Variants in FHL2 observed in about 807,000 individuals in gnomAD.
FHL2 encodes the protein four and a half LIM domains protein 2.
A neutral mutation model predicts 32.7 loss-of-function variants in FHL2; 20 were observed. The ratio of observed to expected loss-of-function variants is 0.61; its 90% confidence interval spans 0.43 to 0.89. FHL2 has a LOEUF of 0.89. FHL2 is among the 40% of genes least tolerant of loss of function. The probability of loss-of-function intolerance (pLI) is 0.00; values close to 1 mark genes in which losing one functional copy is unlikely to be tolerated. For synonymous variants in FHL2, 123 were observed against 128.1 expected, an observed-to-expected ratio of 0.96 and a Z score of 0.27; for missense variants, 311 against 358.6, an observed-to-expected ratio of 0.87 and a Z score of 1.07.
At chr2:105,432,172 CT>C (rs1253363742) in intron 1 of FHL2, among the ~76,000 whole-genome samples, 1 of 152,164 alleles carries the variant, frequency 6.6e-6, no homozygotes, top group Non-Finnish European at 1.5e-5. Flanking sequence ...GTGCTTATTT[CT>C]CCCCTCACTT....
chr2:105,425,519 C>T (rs1015474509), intron 1 of FHL2, among the ~76,000 whole-genome samples: 5 of 151,392 alleles, frequency 3.3e-5, no homozygotes, highest in South Asian at 2.1e-4. Context: ...AGGAAAGCCT[C>T]TTGCAGTTGA....
intron 4 of FHL2, among the ~76,000 whole-genome samples, chr2:105,370,577 G>T (rs1165744812): frequency 1.3e-5 from 2 of 152,128 alleles, no homozygotes; most frequent in African/African-American, 2.4e-5. Context: ...GACTTGTGTG[G>T]GGGGTGTGGA....
At chr2:105,433,547 T>C (rs1684502265) in intron 1 of FHL2, among the ~76,000 whole-genome samples, 1 of 152,208 alleles carries the variant, frequency 6.6e-6, no homozygotes, top group Non-Finnish European at 1.5e-5. Context: ...GGGATTAGTG[T>C]GAAACTGGCA....
chr2:105,419,690 C>T (rs1020198189), intron 1 of FHL2, among the ~76,000 whole-genome samples: 1 of 152,134 alleles, frequency 6.6e-6, no homozygotes, highest in African/African-American at 2.4e-5. Flanking sequence ...AATTTATCAC[C>T]CTTTGTTAAA....
At chr2:105,383,332 A>T (rs927513092) in intron 3 of FHL2, among the ~76,000 whole-genome samples, 5 of 152,278 alleles carry the variant, frequency 3.3e-5, no homozygotes, top group Non-Finnish European at 7.3e-5. Context: ...TCAGAGGATC[A>T]TAAAATTGTA....
intron 3 of FHL2, chr2:105,377,665 A>T (rs930127018): frequency 5.6e-6 from 1 of 177,178 alleles, no homozygotes; most frequent in East Asian, 1.6e-4. Context: ...TTTGATTGTT[A>T]TGTAGCAGGT....
chr2:105,377,924 G>C (rs942884938), intron 3 of FHL2: 1 of 402,074 alleles, frequency 2.5e-6, no homozygotes, highest in Non-Finnish European at 5.1e-6. Flanking sequence ...CGCCCAGAGG[G>C]GTGGCAAGTT....
intron 1 of FHL2, among the ~76,000 whole-genome samples, chr2:105,410,260 A>G (rs561391261): frequency 6.6e-6 from 1 of 152,338 alleles, no homozygotes; most frequent in African/African-American, 2.4e-5. Flanking sequence ...GAGCAGTCTT[A>G]AACCCAGGCA....
chr2:105,398,694 G>C (rs905567717), intron 1 of FHL2, 148 bp downstream of exon 1: 2 of 553,300 alleles, frequency 3.6e-6, no homozygotes, highest in Admixed American at 4.4e-5. Context: ...CTCTCCCCGT[G>C]GTCTCCCCAC....
chr2:105,375,113 C>G (rs1007866988), intron 3 of FHL2: 1 of 151,440 alleles, frequency 6.6e-6, no homozygotes, highest in Non-Finnish European at 1.5e-5. Context: ...CTAGAACAAA[C>G]AGTTCTCTTT....
intron 1 of FHL2, chr2:105,397,019 T>TTTG (rs797003103): frequency 5.0e-6 from 1 of 200,270 alleles, no homozygotes. Flanking sequence ...TGTTTTTTTT[T>TTTG]TTTTTTTTTT....
chr2:105,398,968 A>G lies in FHL2; in HGVS notation c.-202T>C. 2 of 1,530,422 alleles carry G rather than the reference A, an allele frequency of 1.3e-6. No homozygotes were observed. The highest frequency in any genetic ancestry group is 1.2e-5 in the South Asian group (1 of 80,008). The allele number at this position is 1,530,422 out of a possible 1,614,324, so 94.8% of individuals were successfully genotyped here. On this transcript the variant is annotated 5_prime_UTR_variant, in exon 1 of 7. Coordinates refer to ENST00000530340, the MANE Select transcript of FHL2 (RefSeq NM_001318895.3). Reference sequence around the variant, plus strand: ...GGGGCGCAGGGGGTTGGAGGTACTCACGGCACCGCAGCGGGCCGGGGACTC... The same window carrying G: ...GGGGCGCAGGGGGTTGGAGGTACTCGCGGCACCGCAGCGGGCCGGGGACTC...
At chr2:105,397,013 T>TTG (rs941537869) in intron 1 of FHL2, 9 of 213,490 alleles carry the variant, frequency 4.2e-5, no homozygotes, top group African/African-American at 2.2e-4. Context: ...CTAGTCTGTT[T>TTG]TTTTTTTTTT....
intron 1 of FHL2, among the ~76,000 whole-genome samples, chr2:105,432,424 G>A (rs953707390): frequency 6.6e-6 from 1 of 152,122 alleles, no homozygotes; most frequent in Non-Finnish European, 1.5e-5. Flanking sequence ...ATAACATTTG[G>A]CCATTGGTTC....
chr2:105,432,030 T>C (rs1279663665), intron 1 of FHL2, among the ~76,000 whole-genome samples: 1 of 152,232 alleles, frequency 6.6e-6, no homozygotes, highest in African/African-American at 2.4e-5. Flanking sequence ...ATGTTGAACT[T>C]GCCACTATGA....
chr2:105,434,756 T>C (rs1296471186), intron 1 of FHL2, among the ~76,000 whole-genome samples: 1 of 152,122 alleles, frequency 6.6e-6, no homozygotes, highest in Admixed American at 6.5e-5. Flanking sequence ...AGTTACTGGA[T>C]ATAATGATCT....
chr2:105,431,942 T>A (rs933905786), intron 1 of FHL2, among the ~76,000 whole-genome samples: 1 of 152,204 alleles, frequency 6.6e-6, no homozygotes, highest in Non-Finnish European at 1.5e-5. Flanking sequence ...GAGTGGAGGA[T>A]GTGCTGCTGC....
At chr2:105,379,778 T>C (rs1010513244) in intron 3 of FHL2, among the ~76,000 whole-genome samples, 2 of 152,094 alleles carry the variant, frequency 1.3e-5, no homozygotes, top group African/African-American at 4.8e-5. Flanking sequence ...CTTTCCCTTC[T>C]CCCCAAAAGG....
upstream of FHL2, among the ~76,000 whole-genome samples, chr2:105,402,916 A>G (rs961676462): frequency 1.3e-5 from 2 of 152,248 alleles, no homozygotes; most frequent in Non-Finnish European, 2.9e-5. Flanking sequence ...TCACTATAGA[A>G]AGCGTAATGC....
Sources: allele counts gnomAD v4.1 joint callset (sites outside exome capture counted in the v4.1 genomes callset), GRCh38; gene constraint gnomAD v4.1.1; transcripts MANE v1.5; gene names NCBI Gene and HGNC (gene_info 2026-07-23, HGNC 2026-07-21).